The following IMMP2L variants were observed in gnomAD, a reference collection of about 807,000 sequenced individuals.
IMMP2L encodes the protein mitochondrial inner membrane protease subunit 2.
IMMP2L carries 18 observed loss-of-function variants against 19.3 expected under a neutral mutation model. The ratio of observed to expected loss-of-function variants is 0.93; its 90% CI spans 0.64 to 1.38. IMMP2L has a LOEUF of 1.38. Among genes scored for constraint, IMMP2L ranks in the 40% most tolerant of loss-of-function variants. IMMP2L has a pLI of 0.00. For missense variants in IMMP2L, 233 were observed against 218.2 expected, an observed-to-expected ratio of 1.07 and a Z score of -0.43; for synonymous variants, 76 against 73.0, an observed-to-expected ratio of 1.04 and a Z score of -0.21.
intron 4 of IMMP2L, among the ~76,000 whole-genome samples, chr7:110,954,726 C>T (rs1178796758): frequency 1.3e-5 from 2 of 152,094 alleles, no homozygotes; most frequent in Non-Finnish European, 2.9e-5. Context: ...ATGGCTTCTA[C>T]ATCACACCAA....
At chr7:111,058,134 T>C (rs1301935256) in intron 3 of IMMP2L, among the ~76,000 whole-genome samples, 1 of 152,144 alleles carries the variant, frequency 6.6e-6, no homozygotes, top group Admixed American at 6.5e-5. Flanking sequence ...AATTTATCTA[T>C]TTTTCTTTTA....
intron 3 of IMMP2L, among the ~76,000 whole-genome samples, chr7:111,054,287 T>C (rs1793288326): frequency 6.6e-6 from 1 of 152,204 alleles, no homozygotes; most frequent in Non-Finnish European, 1.5e-5. Flanking sequence ...AATGTCCTTT[T>C]CTCTCCTCAG....
At position 110,760,720 on chromosome 7, in the gene IMMP2L, T is replaced by A. The variant is rs958314157; in HGVS notation, c.409-96999A>T. On this transcript the variant is annotated intron_variant, in intron 5 of 5. Transcript: ENST00000405709. The surrounding 1 kb of genome is among the most constrained non-coding windows in gnomAD (Gnocchi z 4.2). Reference sequence around the variant, plus strand: ...TACAATATATTTATTTCAAAATCTCTCATAGCACTTCAATACCTGGAATAT... The same window carrying A: ...TACAATATATTTATTTCAAAATCTCACATAGCACTTCAATACCTGGAATAT... 6.6e-6 allele frequency among the ~76,000 whole-genome samples: 1 copy of A among 152,146 alleles called. No homozygotes were observed. The highest frequency in any genetic ancestry group is 1.5e-5 in the Non-Finnish European group (1 of 68,024).
At chr7:111,361,723 G>T (rs1348924297) in intron 3 of IMMP2L, among the ~76,000 whole-genome samples, 1 of 152,068 alleles carries the variant, frequency 6.6e-6, no homozygotes, top group Non-Finnish European at 1.5e-5. Flanking sequence ...ACTCATCTTT[G>T]ATAACAGAAG....
chr7:111,211,563 C>A (rs554033595), intron 3 of IMMP2L, among the ~76,000 whole-genome samples: 2 of 152,084 alleles, frequency 1.3e-5, no homozygotes, highest in Admixed American at 6.5e-5. Flanking sequence ...GGTATGTGAT[C>A]GGAAACTTGA....
chr7:111,074,279 A>G (rs566024133), intron 3 of IMMP2L, among the ~76,000 whole-genome samples: 1 of 152,346 alleles, frequency 6.6e-6, no homozygotes, highest in Non-Finnish European at 1.5e-5. Flanking sequence ...TTCCACCTAC[A>G]ATGATGACTC....
chr7:111,447,456 T>A (rs1266837200), intron 3 of IMMP2L, among the ~76,000 whole-genome samples: 1 of 149,368 alleles, frequency 6.7e-6, no homozygotes, highest in Non-Finnish European at 1.5e-5. Flanking sequence ...CCAGCCAAAC[T>A]AAGCTTCATA....
chr7:110,906,584 G>A (rs1812473807), intron 4 of IMMP2L, among the ~76,000 whole-genome samples: 3 of 152,234 alleles, frequency 2.0e-5, no homozygotes, highest in Admixed American at 1.3e-4. Context: ...TATGAACAGC[G>A]CTTCGGAACA....
intron 5 of IMMP2L, among the ~76,000 whole-genome samples, chr7:110,840,047 A>T (rs1320058877): frequency 6.6e-6 from 1 of 152,106 alleles, no homozygotes; most frequent in Non-Finnish European, 1.5e-5. Context: ...AGAAAACGGC[A>T]GAACATAGAG....
intron 1 of IMMP2L, among the ~76,000 whole-genome samples, chr7:111,553,982 G>A (rs1790968223): frequency 6.6e-6 from 1 of 152,098 alleles, no homozygotes; most frequent in African/African-American, 2.4e-5. Flanking sequence ...TTTCAATGAT[G>A]GCCTTAGAGA....
At chr7:111,125,175 C>A (rs1801162556) in intron 3 of IMMP2L, 1 of 322,766 alleles carries the variant, frequency 3.1e-6, no homozygotes. Context: ...GTCTGGACTA[C>A]AGTTCAAGTG....
intron 5 of IMMP2L, among the ~76,000 whole-genome samples, chr7:110,867,969 T>C (rs1009047690): frequency 1.1e-4 from 17 of 151,994 alleles, no homozygotes; most frequent in African/African-American, 4.1e-4. Flanking sequence ...CATAGGTCTT[T>C]AGGGCTCCAG....
intron 3 of IMMP2L, among the ~76,000 whole-genome samples, chr7:111,423,927 C>T (rs528218754): frequency 4.3e-4 from 66 of 151,812 alleles, no homozygotes; most frequent in Non-Finnish European, 7.6e-4. Flanking sequence ...AGATAGTTAA[C>T]TATACTAATG....
intron 3 of IMMP2L, among the ~76,000 whole-genome samples, chr7:111,167,193 C>T (rs1805917675): frequency 6.6e-6 from 1 of 151,964 alleles, no homozygotes; most frequent in South Asian, 2.1e-4. Context: ...TCATGAACCA[C>T]ACCTGCTCTC....
intron 1 of IMMP2L, among the ~76,000 whole-genome samples, chr7:111,537,449 T>C (rs978210843): frequency 6.6e-6 from 1 of 152,068 alleles, no homozygotes; most frequent in African/African-American, 2.4e-5. Context: ...CTCCTCATTT[T>C]CTATAGGATA....
At chr7:111,242,013 T>C (rs1278359729) in intron 3 of IMMP2L, among the ~76,000 whole-genome samples, 5 of 152,112 alleles carry the variant, frequency 3.3e-5, no homozygotes, top group East Asian at 1.9e-4. Context: ...TTAACCAATA[T>C]GTGAAATAGG....
chr7:110,745,702 G>C (rs1215874960), intron 5 of IMMP2L, among the ~76,000 whole-genome samples: 3 of 152,180 alleles, frequency 2.0e-5, no homozygotes, highest in Non-Finnish European at 2.9e-5. Context: ...AGTAAATGCT[G>C]AGAGATTTTG....
chr7:111,156,638 C>T (rs1262903878), intron 3 of IMMP2L, among the ~76,000 whole-genome samples: 1 of 152,038 alleles, frequency 6.6e-6, no homozygotes, highest in Non-Finnish European at 1.5e-5. Flanking sequence ...AATGTGTGCA[C>T]AGGTTTTACA....
At chr7:111,464,775 CCAACT>C (rs1244058190) in intron 3 of IMMP2L, among the ~76,000 whole-genome samples, 15 of 152,146 alleles carry the variant, frequency 9.9e-5, no homozygotes, top group Non-Finnish European at 2.1e-4. Context: ...AAAAACACAG[CCAACT>C]CTTTTTTATT....
Sources: allele counts gnomAD v4.1 joint callset (sites outside exome capture counted in the v4.1 genomes callset), GRCh38; gene constraint gnomAD v4.1.1; non-coding constraint Gnocchi (gnomAD v3.1); transcripts MANE v1.5; gene names NCBI Gene and HGNC (gene_info 2026-07-23, HGNC 2026-07-21).